Variants in DGKB observed in about 807,000 individuals in gnomAD.
DGKB encodes the protein 90 kDa diacylglycerol kinase.
In DGKB, 67 loss-of-function variants were observed where a neutral mutation model predicts 114.3. The ratio of observed to expected loss-of-function variants is 0.59; its 90% CI spans 0.48 to 0.72. The LOEUF (loss-of-function observed/expected upper bound fraction) is 0.72, where lower values mean the gene tolerates loss of function less well. DGKB is among the 30% of genes least tolerant of loss of function. The pLI, the probability that DGKB is intolerant of heterozygous loss-of-function variation, is 0.00. For missense variants in DGKB, 907 were observed against 975.2 expected (o/e 0.93, Z 0.93); for synonymous variants, 398 against 323.1 (o/e 1.23, Z -2.49).
intron 20 of DGKB, among the ~76,000 whole-genome samples, chr7:14,531,151 A>G (rs905665469): frequency 5.9e-5 from 9 of 151,482 alleles, no homozygotes; most frequent in Admixed American, 5.3e-4. Flanking sequence ...CTTTTACCAC[A>G]TATAATCAGT....
At chr7:14,912,784 A>T (rs1784059904) in intron 1 of DGKB, among the ~76,000 whole-genome samples, 1 of 152,110 alleles carries the variant, frequency 6.6e-6, no homozygotes, top group Admixed American at 6.6e-5. Context: ...TTTCTCTTGT[A>T]GGGTGCAGAG....
At chr7:14,219,106 C>A (rs927654686) in intron 23 of DGKB, among the ~76,000 whole-genome samples, 1 of 151,908 alleles carries the variant, frequency 6.6e-6, no homozygotes, top group African/African-American at 2.4e-5. Flanking sequence ...GTACTCAATT[C>A]ATTTTTATAA....
At chr7:14,567,508 ATTATATAT>A (rs1797743131) in intron 20 of DGKB, among the ~76,000 whole-genome samples, 1 of 90,012 alleles carries the variant, frequency 1.1e-5, no homozygotes, top group African/African-American at 4.4e-5. Context: ...TAATTATATA[ATTATATAT>A]TTATATATTA....
At chr7:14,507,131 T>C (rs543012630) in intron 20 of DGKB, among the ~76,000 whole-genome samples, 3 of 152,278 alleles carry the variant, frequency 2.0e-5, no homozygotes, top group African/African-American at 7.2e-5. Flanking sequence ...GCCATAGAGA[T>C]TTGAAGGCCT....
chr7:14,365,744 T>G (rs1482177811), intron 21 of DGKB, among the ~76,000 whole-genome samples: 1 of 152,072 alleles, frequency 6.6e-6, no homozygotes, highest in Admixed American at 6.6e-5. Context: ...CTTAGTCAAG[T>G]GTTAATAAGC....
chr7:14,765,507 C>T (rs1014492032), intron 2 of DGKB, among the ~76,000 whole-genome samples: 5 of 151,850 alleles, frequency 3.3e-5, no homozygotes, highest in African/African-American at 9.7e-5. Context: ...TTTTTATTAA[C>T]TCTTTCTTGT....
At chr7:14,808,855 T>A (rs1267100098) in intron 2 of DGKB, among the ~76,000 whole-genome samples, 1 of 152,088 alleles carries the variant, frequency 6.6e-6, no homozygotes, top group Non-Finnish European at 1.5e-5. Flanking sequence ...AAGAAGTAGG[T>A]CTATTCCTCA....
chr7:14,262,593 C>G (rs919662019), intron 23 of DGKB, among the ~76,000 whole-genome samples: 4 of 152,124 alleles, frequency 2.6e-5, no homozygotes, highest in African/African-American at 9.7e-5. Context: ...GCAGCCTAAA[C>G]AAACTGACAC....
intron 3 of DGKB, among the ~76,000 whole-genome samples, chr7:14,756,405 T>G (rs188222398): frequency 6.6e-6 from 1 of 151,834 alleles, no homozygotes; most frequent in Non-Finnish European, 1.5e-5. Flanking sequence ...ACAAGGGAAA[T>G]GTAGGTCAAA....
chr7:14,672,136 T>C (rs969906933), intron 13 of DGKB, among the ~76,000 whole-genome samples: 2 of 152,064 alleles, frequency 1.3e-5, no homozygotes, highest in African/African-American at 4.8e-5. Flanking sequence ...AATTTCTAGG[T>C]TGACCTTTAG....
chr7:14,299,050 C>G (rs1803057518), intron 23 of DGKB, among the ~76,000 whole-genome samples: 1 of 152,106 alleles, frequency 6.6e-6, no homozygotes, highest in Non-Finnish European at 1.5e-5. Context: ...ACAACAGATG[C>G]TGAAGAGGAT....
chr7:14,551,149 G>A (rs897415399), intron 20 of DGKB, among the ~76,000 whole-genome samples: 6 of 152,162 alleles, frequency 3.9e-5, no homozygotes, highest in African/African-American at 1.2e-4. Context: ...GGCTCTTAGT[G>A]ACTGACTAAG....
intron 23 of DGKB, among the ~76,000 whole-genome samples, chr7:14,183,036 A>T (rs1000004703): frequency 2.0e-5 from 3 of 152,156 alleles, no homozygotes; most frequent in African/African-American, 7.2e-5. Context: ...TGAAATCAAC[A>T]TAAATTGCTA....
At chr7:14,627,954 A>AC (rs76259750) in intron 14 of DGKB, among the ~76,000 whole-genome samples, 2 of 91,508 alleles carry the variant, frequency 2.2e-5, no homozygotes, top group Admixed American at 1.2e-4. Flanking sequence ...AAAAAACAAA[A>AC]AAAAAAAACA....
At position 14,145,349 on chromosome 7, in the gene DGKB, A is replaced by C. The variant is rs1390265500; in HGVS notation, c.*3782T>G. On this transcript the variant is annotated 3_prime_UTR_variant, in exon 26 of 26. Transcript: ENST00000402815. ...GGTTTAATCTTTTAATAGAGATATT[A>C]TTCAGTTATTTGAAAAATAACGGAG... 6.6e-6 allele frequency: 1 copy of C among 152,210 alleles called. No homozygotes were observed. The highest frequency in any genetic ancestry group is 1.5e-5 in the Non-Finnish European group (1 of 68,038). 9.4% of individuals were successfully genotyped at this position (152,210 alleles called of 1,614,324 possible).
intron 25 of DGKB, among the ~76,000 whole-genome samples, chr7:14,171,636 T>C (rs1303498524): frequency 6.6e-6 from 1 of 152,212 alleles, no homozygotes. Flanking sequence ...ACATTCAAAT[T>C]CTTTGCTTTG....
intron 8 of DGKB, among the ~76,000 whole-genome samples, chr7:14,696,622 G>A (rs1174613654): frequency 1.3e-5 from 2 of 149,498 alleles, no homozygotes; most frequent in Non-Finnish European, 3.0e-5. Flanking sequence ...TGCACAGGTA[G>A]AAAGGTGAGT....
intron 23 of DGKB, among the ~76,000 whole-genome samples, chr7:14,321,544 A>G (rs954766832): frequency 1.3e-5 from 2 of 151,628 alleles, no homozygotes; most frequent in African/African-American, 2.4e-5. Flanking sequence ...CAAGACACCA[A>G]CGTCCATTTT....
intron 5 of DGKB, among the ~76,000 whole-genome samples, chr7:14,722,788 G>A (rs191948754): frequency 2.4e-4 from 37 of 151,958 alleles, no homozygotes; most frequent in African/African-American, 8.7e-4. Context: ...CTCCAGCCTG[G>A]GCGGCAGAGT....
Sources: allele counts gnomAD v4.1 joint callset (sites outside exome capture counted in the v4.1 genomes callset), GRCh38; gene constraint gnomAD v4.1.1; transcripts MANE v1.5; gene names NCBI Gene and HGNC (gene_info 2026-07-23, HGNC 2026-07-21).